HSF5: variants seen among roughly 807,000 people sequenced by gnomAD.
HSF5 encodes heat shock transcription factor 5.
Under a neutral mutation model 50.8 loss-of-function variants are expected in HSF5, and 5 were observed. That is an observed-to-expected ratio of 0.10 (90% CI 0.05 to 0.21). The LOEUF is 0.21. Among genes scored for constraint, HSF5 ranks in the 10% least tolerant of loss-of-function variants. HSF5 has a pLI of 1.00. For synonymous variants in HSF5, 307 were observed against 307.4 expected (o/e 1.00, Z 0.02); for missense variants, 564 against 762.6 (o/e 0.74, Z 3.07).
intron 5 of HSF5, among the ~76,000 whole-genome samples, chr17:58,448,784 TAC>T (rs1190930837): frequency 6.6e-6 from 1 of 152,206 alleles, no homozygotes; most frequent in Non-Finnish European, 1.5e-5. Context: ...AAAGTAAGCA[TAC>T]AGAGACATTC....
At chr17:58,447,311 T>TC (rs1167273632) in intron 5 of HSF5, among the ~76,000 whole-genome samples, 1 of 152,228 alleles carries the variant, frequency 6.6e-6, no homozygotes, top group African/African-American at 2.4e-5. Context: ...AGGACCCAAG[T>TC]CCCAGCCAGC....
intron 5 of HSF5, among the ~76,000 whole-genome samples, chr17:58,445,613 T>C (rs940082152): frequency 1.3e-5 from 2 of 152,148 alleles, no homozygotes; most frequent in Non-Finnish European, 2.9e-5. Context: ...CTTGAGAACA[T>C]AATATAGTCA....
chr17:58,487,717 G>A lies in HSF5; in HGVS notation c.550+8C>T, dbSNP rs751068231. On this transcript the variant is annotated splice_region_variant and intron_variant, in intron 1 of 5. Coordinates refer to ENST00000323777, the MANE Select transcript of HSF5 (RefSeq NM_001080439.3). ...CTGTGGGCGAGGGCACGGGCAGTCC[G>A]GACTCACCGTGCGGCTCGGGCCGGG... 3 of 1,391,022 alleles carry A rather than the reference G, an allele frequency of 2.2e-6. No homozygotes were observed. Among genetic ancestry groups the A allele is most frequent in the Admixed American group, 6.4e-5 (2 of 31,020 alleles). The allele number at this position is 1,391,022 out of a possible 1,614,324, so 86.2% of individuals were successfully genotyped here. A position where few individuals can be genotyped will look rare whatever the true frequency, so the allele number is the denominator to read the frequency against.
intron 1 of HSF5, 109 bp downstream of exon 1, chr17:58,487,616 T>C: frequency 7.7e-7 from 1 of 1,292,362 alleles, no homozygotes; most frequent in Non-Finnish European, 9.7e-7. Context: ...CCCGGCGCCT[T>C]TCCGACGCCC....
chr17:58,422,138 G>A lies in HSF5; in HGVS notation c.*222C>T. ...GGGATCTGGGCAGCCAAAAAACGTG[G>A]CTGCTAGATGTTCAGTAGTTTGTCA... On this transcript the variant is annotated 3_prime_UTR_variant, in exon 6 of 6. Coordinates refer to ENST00000323777, the MANE Select transcript of HSF5 (RefSeq NM_001080439.3). 1 of 473,560 alleles carries A rather than the reference G, an allele frequency of 2.1e-6. No homozygotes were observed. 29.3% of individuals were successfully genotyped at this position (473,560 alleles called of 1,614,324 possible).
At chr17:58,464,413 G>A (rs1974834456) in intron 3 of HSF5, among the ~76,000 whole-genome samples, 2 of 152,140 alleles carry the variant, frequency 1.3e-5, no homozygotes, top group Non-Finnish European at 2.9e-5. Context: ...GACAGAGCCA[G>A]GTTTCAAGCC....
intron 5 of HSF5, among the ~76,000 whole-genome samples, chr17:58,452,045 A>G (rs2143765069): frequency 6.6e-6 from 1 of 152,020 alleles, no homozygotes; most frequent in African/African-American, 2.4e-5. Context: ...CAGGAGTTCA[A>G]GACTAGCCTG....
At chr17:58,434,418 G>A (rs549492177) in intron 5 of HSF5, among the ~76,000 whole-genome samples, 44 of 151,974 alleles carry the variant, frequency 2.9e-4, no homozygotes, top group East Asian at 9.7e-4. Context: ...ATGTGGCAGC[G>A]CGTGCCTGTA....
At chr17:58,427,728 T>A (rs1489452862) in intron 5 of HSF5, among the ~76,000 whole-genome samples, 1 of 152,262 alleles carries the variant, frequency 6.6e-6, no homozygotes, top group Non-Finnish European at 1.5e-5. Context: ...CTAAACTGAA[T>A]GCTATTCCAT....
intron 3 of HSF5, among the ~76,000 whole-genome samples, chr17:58,466,129 T>C (rs1974862587): frequency 1.3e-5 from 2 of 152,184 alleles, no homozygotes; most frequent in South Asian, 2.1e-4. Context: ...TCTCATTATG[T>C]TTTTGGAAAT....
intron 1 of HSF5, among the ~76,000 whole-genome samples, chr17:58,482,640 G>A (rs974301993): frequency 2.0e-5 from 3 of 147,836 alleles, no homozygotes; most frequent in Non-Finnish European, 4.5e-5. Context: ...AACCTGGGAG[G>A]TGGAGGTTGC....
chr17:58,422,898 G>A (rs1398384641), intron 5 of HSF5, among the ~76,000 whole-genome samples: 1 of 152,060 alleles, frequency 6.6e-6, no homozygotes, highest in African/African-American at 2.4e-5. Context: ...GTTTCAGCAT[G>A]TTGGCCAGGC....
intron 3 of HSF5, among the ~76,000 whole-genome samples, chr17:58,464,031 C>T (rs1261104130): frequency 6.6e-6 from 1 of 152,138 alleles, no homozygotes; most frequent in Admixed American, 6.5e-5. Flanking sequence ...AAGAGCTTCG[C>T]ACAGAGTAGG....
chr17:58,471,816 A>T (rs1317348849), intron 2 of HSF5, among the ~76,000 whole-genome samples: 1 of 151,868 alleles, frequency 6.6e-6, no homozygotes, highest in Non-Finnish European at 1.5e-5. Context: ...ATATATTCTT[A>T]TAAATTCTGT....
At chr17:58,466,763 G>C (rs954779739) in intron 3 of HSF5, 122 bp downstream of exon 3, 16 of 648,850 alleles carry the variant, frequency 2.5e-5, no homozygotes, top group Non-Finnish European at 4.4e-5. Flanking sequence ...AGAAAACAAA[G>C]CCCATTAATC....
intron 5 of HSF5, among the ~76,000 whole-genome samples, chr17:58,431,902 A>G (rs550776707): frequency 6.6e-6 from 1 of 152,348 alleles, no homozygotes; most frequent in South Asian, 2.1e-4. Flanking sequence ...AGACACAGAA[A>G]GTAGAATGGT....
intron 5 of HSF5, 32 bp from the exon 6 acceptor site, chr17:58,422,462 G>A: frequency 6.3e-7 from 1 of 1,583,774 alleles, no homozygotes; most frequent in African/African-American, 1.3e-5. Flanking sequence ...CTCCCTCTTA[G>A]CCTCTCTGTA....
chr17:58,423,025 G>T (rs1222156559), intron 5 of HSF5, among the ~76,000 whole-genome samples: 8 of 152,042 alleles, frequency 5.3e-5, no homozygotes, highest in African/African-American at 1.9e-4. Flanking sequence ...AAGTGAAAAA[G>T]TAAGGAAAAG....
At chr17:58,468,093 C>T (rs747167060) in intron 2 of HSF5, among the ~76,000 whole-genome samples, 27 of 152,138 alleles carry the variant, frequency 1.8e-4, no homozygotes, top group Non-Finnish European at 3.5e-4. Context: ...CCAAAGCACA[C>T]GCTCTTTAAT....
Sources: gnomAD v4.1 joint callset for allele counts (sites outside exome capture counted in the v4.1 genomes callset) on GRCh38, gnomAD v4.1.1 for gene constraint, MANE v1.5 for transcripts, NCBI Gene and HGNC (gene_info 2026-07-23, HGNC 2026-07-21) for gene names.